The following INTU variants were observed in gnomAD, a reference collection of about 807,000 sequenced individuals.
INTU encodes the protein protein inturned.
INTU carries 68 observed loss-of-function variants against 100.5 expected under a neutral mutation model. That is an observed-to-expected ratio of 0.68 (90% CI 0.56 to 0.83). The LOEUF (loss-of-function observed/expected upper bound fraction) is 0.83, where lower values mean the gene tolerates loss of function less well. Among genes scored for constraint, INTU ranks in the 40% least tolerant of loss-of-function variants. The probability of loss-of-function intolerance (pLI) is 0.00; values close to 1 mark genes in which losing one functional copy is unlikely to be tolerated. For missense variants in INTU, 1,071 were observed against 1,114.7 expected (o/e 0.96, Z 0.56); for synonymous variants, 357 against 395.7 (o/e 0.90, Z 1.16).
In INTU at chr4:127,680,712, C is replaced by A. The variant is rs1224461662; in HGVS notation, c.1182-3697C>A. 3.4e-5 allele frequency among the ~76,000 whole-genome samples: 5 copies of A among 147,318 alleles called. No homozygotes were observed. In the South Asian group the frequency reaches 1.1e-3, roughly 33 times the overall value. On this transcript the variant is annotated intron_variant, in intron 6 of 15. Transcript: ENST00000335251. ...GGCACAAGACAGGGATGCCGTCTCT[C>A]ACCGCTCCTATTCAACATAGTGTTG...
chr4:127,670,492 G>A (rs1425107361), intron 5 of INTU, among the ~76,000 whole-genome samples: 1 of 151,828 alleles, frequency 6.6e-6, no homozygotes, highest in East Asian at 1.9e-4. Context: ...GCTCTATTTA[G>A]TTTATAAATT....
intron 6 of INTU, among the ~76,000 whole-genome samples, chr4:127,677,226 C>T (rs575833353): frequency 6.6e-6 from 1 of 152,340 alleles, no homozygotes; most frequent in South Asian, 2.1e-4. Context: ...ATGTCCATGT[C>T]TGACAGCTTT....
At chr4:127,689,553 G>A (rs755473228) in intron 8 of INTU, among the ~76,000 whole-genome samples, 6 of 152,052 alleles carry the variant, frequency 3.9e-5, no homozygotes, top group Non-Finnish European at 7.4e-5. Context: ...GTAGGCTGAG[G>A]TGGGAGGATT....
intron 6 of INTU, among the ~76,000 whole-genome samples, chr4:127,681,595 A>T (rs1489161912): frequency 6.6e-6 from 1 of 152,234 alleles, no homozygotes; most frequent in South Asian, 2.1e-4. Context: ...CTTATACAAA[A>T]ATTAATTCAA....
At chr4:127,674,903 A>G (rs910257708) in intron 6 of INTU, among the ~76,000 whole-genome samples, 2 of 152,198 alleles carry the variant, frequency 1.3e-5, no homozygotes, top group Non-Finnish European at 2.9e-5. Flanking sequence ...AAGAGGGTTC[A>G]GTAACTTGCC....
chr4:127,710,936 C>T lies in INTU; in HGVS notation c.2393C>T (p.Thr798Ile), dbSNP rs751228102. The T allele has an allele frequency of 6.6e-7, 1 of 1,509,902 alleles. No individual in the cohort carries two copies. The highest frequency in any genetic ancestry group is 2.3e-5 in the East Asian group (1 of 43,080). 93.5% of individuals were successfully genotyped at this position (1,509,902 alleles called of 1,614,324 possible). A position where few individuals can be genotyped will look rare whatever the true frequency, so the allele number is the denominator to read the frequency against. Reference sequence around the variant, plus strand: ...AGACTGACATCTGGTCCTGAGAACACACTTTTCCACTACGTTGCCTTAGAA... The same window carrying T: ...AGACTGACATCTGGTCCTGAGAACATACTTTTCCACTACGTTGCCTTAGAA... ...TVKLTSGPEN[T>I]LFHYVALETV... The change falls in exon 14 of 16, where the codon ACA becomes ATA. Residue 798 changes from threonine to isoleucine, a missense_variant. Physicochemically the swap from Thr to Ile is moderately conservative, Grantham distance 89. Transcript: ENST00000335251.
In INTU at chr4:127,687,878, G is replaced by T; in HGVS notation, c.1449+11G>T. 1.3e-6 allele frequency: 2 copies of T among 1,551,184 alleles called. No homozygotes were observed. The highest frequency in any genetic ancestry group is 1.2e-5 in the South Asian group (1 of 81,572). ...CCACTGGAAATCAAGGTAATCTTAGGTATTATAAAGCAGAAGCAGAACCAG... is the reference window on the plus strand; with the variant it reads ...CCACTGGAAATCAAGGTAATCTTAGTTATTATAAAGCAGAAGCAGAACCAG... On this transcript the variant is annotated intron_variant, in intron 8 of 15. Coordinates refer to ENST00000335251, the MANE Select transcript of INTU (RefSeq NM_015693.4).
At position 127,632,995 on chromosome 4, in the gene INTU, G is replaced by A. The variant is rs761428856; in HGVS notation, c.-40G>A. The A allele has an allele frequency of 6.3e-7, 1 of 1,587,294 alleles. No homozygotes were observed. The highest frequency in any genetic ancestry group is 1.1e-5 in the South Asian group (1 of 89,500). On this transcript the variant is annotated 5_prime_UTR_variant, in exon 1 of 16. Coordinates refer to ENST00000335251, the MANE Select transcript of INTU (RefSeq NM_015693.4). ...CGGCCTTAGCAAGCTATAGCTGCGAGATTTGAATTACTCCACTCGTAGCTA... is the reference window on the plus strand; with the variant it reads ...CGGCCTTAGCAAGCTATAGCTGCGAAATTTGAATTACTCCACTCGTAGCTA...
At chr4:127,656,013 G>C (rs1200141761) in intron 2 of INTU, among the ~76,000 whole-genome samples, 1 of 152,196 alleles carries the variant, frequency 6.6e-6, no homozygotes, top group Non-Finnish European at 1.5e-5. Flanking sequence ...CCCTTTCTTT[G>C]ACTCGGAAAG....
intron 2 of INTU, among the ~76,000 whole-genome samples, chr4:127,647,623 C>T (rs987157511): frequency 5.3e-5 from 8 of 152,166 alleles, no homozygotes; most frequent in Non-Finnish European, 8.8e-5. Flanking sequence ...GAAACATAGA[C>T]ATCTTTGGGG....
In INTU at chr4:127,684,465, T is replaced by G. The variant is rs1248656769; in HGVS notation, c.1238T>G (p.Phe413Cys). ...GAAAATGTCATCCAAACCTTAAAAT[T>G]TATGTATGGTTCTTTAGATAGGTAA... ...MIENVIQTLK[F>C]MYGSLDSAFC... is the part of the protein sequence containing the mutation. Residue 413 changes from phenylalanine (F) to cysteine (C), a missense_variant, in exon 7 of 16, where the codon TTT (phenylalanine) becomes TGT (cysteine). Physicochemically the swap from Phe to Cys is radical, Grantham distance 205 (BLOSUM62 -2). Coordinates refer to ENST00000335251, the MANE Select transcript of INTU (RefSeq NM_015693.4). 2.5e-6 allele frequency: 4 copies of G among 1,580,220 alleles called. No individual in the cohort carries two copies.
intron 2 of INTU, among the ~76,000 whole-genome samples, chr4:127,653,819 G>C (rs1728033539): frequency 6.6e-6 from 1 of 151,622 alleles, no homozygotes; most frequent in Admixed American, 6.6e-5. Context: ...GTTGACAGTG[G>C]GGTGTTAAAG....
At chr4:127,700,702 C>G (rs1258462913) in intron 9 of INTU, among the ~76,000 whole-genome samples, 2 of 151,050 alleles carry the variant, frequency 1.3e-5, no homozygotes, top group Admixed American at 6.6e-5. Flanking sequence ...TGTTGAACAT[C>G]TATAAGGAAA....
rs764789613 is a variant in INTU at position 127,705,738 on chromosome 4, C to T, written c.1714C>T (p.Arg572Ter). 1.4e-5 allele frequency: 22 copies of T among 1,614,058 alleles called. No individual in the cohort carries two copies. Among genetic ancestry groups the T allele is most frequent in the Non-Finnish European group, 1.9e-5 (22 of 1,179,952 alleles). Reference sequence around the variant, plus strand: ...AGAAGTGTTTCCTCAGCATCACCTCCGACCTTTGGCAGACTCAAGCACTGA... The same window carrying T: ...AGAAGTGTTTCCTCAGCATCACCTCTGACCTTTGGCAGACTCAAGCACTGA... ...WREVFPQHHL[R>*]PLADSSTEVF... The change falls in exon 11 of 16, where the codon CGA (arginine) becomes TGA (stop). Residue 572 changes from arginine (R) to a stop codon, truncating the protein, a stop_gained. Coordinates refer to ENST00000335251, the MANE Select transcript of INTU (RefSeq NM_015693.4). LOFTEE classifies it high-confidence loss of function.
In INTU at chr4:127,669,100, T is replaced by A; in HGVS notation, c.1037T>A (p.Ile346Asn). The change falls in exon 5 of 16, where the codon ATT becomes AAT. Residue 346 changes from isoleucine to asparagine, a missense_variant. Transcript: ENST00000335251. ...ASQKLKSVRGIFLTLCDMLEN... is the reference protein window; with the variant it reads ...ASQKLKSVRGNFLTLCDMLEN... ...CAGAAACTTAAAAGTGTGAGAGGGA[T>A]TTTTCTCACACTCTGTGACATGCTG... The A allele has an allele frequency of 6.4e-7, 1 of 1,556,612 alleles. No individual in the cohort carries two copies. The highest frequency in any genetic ancestry group is 1.8e-5 in the Admixed American group (1 of 55,848).
chr4:127,667,775 C>G (rs926611190), intron 4 of INTU, among the ~76,000 whole-genome samples: 11 of 152,016 alleles, frequency 7.2e-5, no homozygotes, highest in Admixed American at 2.6e-4. Context: ...TACTGCAATA[C>G]AATTTTAGTT....
At chr4:127,685,213 G>A (rs897333099) in intron 7 of INTU, among the ~76,000 whole-genome samples, 1 of 151,902 alleles carries the variant, frequency 6.6e-6, no homozygotes, top group Non-Finnish European at 1.5e-5. Context: ...TGATTGGAAG[G>A]CAGAAATTTG....
chr4:127,668,978 C>A, intron 4 of INTU, 58 bp from the exon 5 acceptor site: 1 of 743,180 alleles, frequency 1.3e-6, no homozygotes, highest in South Asian at 2.0e-5. Flanking sequence ...TTGAACTTGC[C>A]CTGACAAAGA....
At chr4:127,672,784 T>A (rs1438808851) in intron 5 of INTU, among the ~76,000 whole-genome samples, 1 of 152,222 alleles carries the variant, frequency 6.6e-6, no homozygotes, top group South Asian at 2.1e-4. Context: ...TGTGAAAAAA[T>A]TTATTTTATA....
Sources: gnomAD v4.1 joint callset for allele counts (sites outside exome capture counted in the v4.1 genomes callset) on GRCh38, gnomAD v4.1.1 for gene constraint, MANE v1.5 for transcripts, NCBI Gene and HGNC (gene_info 2026-07-23, HGNC 2026-07-21) for gene names.